MAST4: variants seen among roughly 807,000 people sequenced by gnomAD.
The protein encoded by MAST4 is microtubule associated serine/threonine kinase family member 4, also known as microtubule-associated serine/threonine-protein kinase 4.
In MAST4, 89 loss-of-function variants were observed where a neutral mutation model predicts 162.7. The ratio of observed to expected loss-of-function variants is 0.55; its 90% CI spans 0.46 to 0.65. MAST4 has a LOEUF of 0.65. MAST4 is among the 30% of genes least tolerant of loss of function. MAST4 has a pLI of 0.00. For synonymous variants in MAST4, 1,479 were observed against 1,361.1 expected (o/e 1.09, Z -1.91); for missense variants, 3,153 against 3,374.0 (o/e 0.93, Z 1.62).
At chr5:67,077,787 A>G (rs1761836773) in intron 5 of MAST4, among the ~76,000 whole-genome samples, 1 of 152,208 alleles carries the variant, frequency 6.6e-6, no homozygotes, top group Admixed American at 6.5e-5. Flanking sequence ...GATTTTAAAA[A>G]ATGAATTAAA....
At chr5:67,120,361 G>A (rs1454726972) in intron 13 of MAST4, among the ~76,000 whole-genome samples, 1 of 152,210 alleles carries the variant, frequency 6.6e-6, no homozygotes, top group Admixed American at 6.5e-5. Context: ...CTCTTGCAGA[G>A]GGGAGCAAAG....
chr5:66,776,298 G>T (rs530973834), intron 2 of MAST4, among the ~76,000 whole-genome samples: 26 of 152,340 alleles, frequency 1.7e-4, no homozygotes, highest in Non-Finnish European at 3.2e-4. Flanking sequence ...AGGGTTGCCA[G>T]TGACATTTGA....
intron 2 of MAST4, among the ~76,000 whole-genome samples, chr5:66,781,884 C>T (rs1190146325): frequency 6.6e-6 from 1 of 152,144 alleles, no homozygotes; most frequent in Non-Finnish European, 1.5e-5. Flanking sequence ...TAAAGTAGAT[C>T]TCCAGAGGCT....
Position 67,163,221 on chromosome 5 carries a change from C to G in MAST4, c.4042C>G (p.Pro1348Ala). ...NSPAGSGHIR[P>A]STLHGLAPKL... is the part of the protein sequence containing the mutation. ...CCCAGCAGGGTCCGGGCACATCCGGCCCAGCACTCTCCACGGTCTTGCACC... is the reference window on the plus strand; with the variant it reads ...CCCAGCAGGGTCCGGGCACATCCGGGCCAGCACTCTCCACGGTCTTGCACC... Residue 1348 changes from proline (P) to alanine (A), a missense_variant, in exon 29 of 29, where the codon CCC (proline) becomes GCC (alanine). Transcript: ENST00000403625. The surrounding 1 kb of genome is among the most constrained non-coding windows in gnomAD (Gnocchi z 7.0). 1 of 1,613,904 alleles carries G rather than the reference C, an allele frequency of 6.2e-7. No individual in the cohort carries two copies. Among genetic ancestry groups the G allele is most frequent in the Non-Finnish European group, 8.5e-7 (1 of 1,179,892 alleles).
At chr5:66,817,610 TA>T (rs535708087) in intron 3 of MAST4, among the ~76,000 whole-genome samples, 9 of 152,248 alleles carry the variant, frequency 5.9e-5, no homozygotes. Flanking sequence ...ATTATAGCAT[TA>T]AAAATGCAAA....
At chr5:67,124,884 G>A (rs915499493) in intron 14 of MAST4, among the ~76,000 whole-genome samples, 7 of 152,018 alleles carry the variant, frequency 4.6e-5, no homozygotes, top group Non-Finnish European at 7.4e-5. Context: ...ATATTGGGCC[G>A]GAGGCATCTT....
At chr5:67,103,373 A>C (rs1765247693) in intron 9 of MAST4, among the ~76,000 whole-genome samples, 1 of 152,226 alleles carries the variant, frequency 6.6e-6, no homozygotes, top group Non-Finnish European at 1.5e-5. Context: ...AATCAAGAGT[A>C]GAGTACTTAT....
At chr5:66,952,613 G>T (rs1243127984) in intron 4 of MAST4, among the ~76,000 whole-genome samples, 1 of 151,880 alleles carries the variant, frequency 6.6e-6, no homozygotes, top group Non-Finnish European at 1.5e-5. Flanking sequence ...GTTCATCTTT[G>T]CATCCCTGAT....
chr5:66,789,649 G>A (rs1222562359), intron 3 of MAST4: 1 of 502,692 alleles, frequency 2.0e-6, no homozygotes, highest in Non-Finnish European at 4.0e-6. Context: ...ATGAGGTCTG[G>A]AGGCCCATCA....
At chr5:67,130,537 C>A in intron 15 of MAST4, 119 bp downstream of exon 15, 3 of 918,012 alleles carry the variant, frequency 3.3e-6, no homozygotes, top group African/African-American at 1.7e-5. Context: ...TGAAGCCAGG[C>A]AATGAAATGG....
At chr5:66,860,059 C>CT (rs1249234225) in intron 3 of MAST4, among the ~76,000 whole-genome samples, 1 of 152,210 alleles carries the variant, frequency 6.6e-6, no homozygotes, top group Non-Finnish European at 1.5e-5. Context: ...TCAGTTATGA[C>CT]TAAGGAGAGG....
intron 2 of MAST4, among the ~76,000 whole-genome samples, chr5:66,764,497 C>CAT (rs1244359658): frequency 3.9e-5 from 6 of 152,036 alleles, no homozygotes; most frequent in African/African-American, 1.2e-4. Flanking sequence ...AGTGATGGGC[C>CAT]ATATATATGA....
At chr5:66,788,593 C>CA in intron 2 of MAST4, 77 bp from the exon 3 acceptor site, 1 of 865,180 alleles carries the variant, frequency 1.2e-6, no homozygotes, top group South Asian at 1.4e-5. Context: ...GAAGAGACAC[C>CA]CCACCCCCAC....
chr5:67,130,567 CTTCT>C, intron 15 of MAST4, 149 bp downstream of exon 15: 5 of 730,538 alleles, frequency 6.8e-6, no homozygotes, highest in Non-Finnish European at 8.8e-6. Flanking sequence ...CAGTCATTAT[CTTCT>C]GATAATTGCT....
chr5:66,816,482 G>A (rs772501459), intron 3 of MAST4, among the ~76,000 whole-genome samples: 3 of 152,132 alleles, frequency 2.0e-5, no homozygotes, highest in Non-Finnish European at 4.4e-5. Context: ...AGGTATTTGA[G>A]CTGTTTTATG....
chr5:66,686,623 A>G (rs1304012066), intron 1 of MAST4, among the ~76,000 whole-genome samples: 1 of 152,142 alleles, frequency 6.6e-6, no homozygotes, highest in East Asian at 1.9e-4. Context: ...TTCCAATTGG[A>G]TGCTTGGGAT....
chr5:66,992,026 T>C (rs1174371867), intron 4 of MAST4, among the ~76,000 whole-genome samples: 2 of 152,226 alleles, frequency 1.3e-5, no homozygotes, highest in Non-Finnish European at 2.9e-5. Context: ...TCTCAAGTTA[T>C]ATAATGTGAT....
intron 26 of MAST4, among the ~76,000 whole-genome samples, chr5:67,155,641 G>C (rs1772393720): frequency 6.6e-6 from 1 of 152,114 alleles, no homozygotes; most frequent in African/African-American, 2.4e-5. Flanking sequence ...CCTTTCCATG[G>C]ACACTGGGGA....
intron 15 of MAST4, among the ~76,000 whole-genome samples, 188 bp downstream of exon 15, chr5:67,130,606 CAA>C (rs1257617530): frequency 1.3e-5 from 2 of 152,094 alleles, no homozygotes; most frequent in African/African-American, 4.8e-5. Context: ...TCTACTATAA[CAA>C]AGAGAAAATT....
Sources: gnomAD v4.1 joint callset for allele counts (sites outside exome capture counted in the v4.1 genomes callset) on GRCh38, gnomAD v4.1.1 for gene constraint, Gnocchi (gnomAD v3.1) non-coding constraint, MANE v1.5 for transcripts, NCBI Gene and HGNC (gene_info 2026-07-23, HGNC 2026-07-21) for gene names.